The following ZFAT variants were observed in gnomAD, a reference collection of about 807,000 sequenced individuals.
The protein encoded by ZFAT is zinc finger protein ZFAT.
ZFAT carries 64 observed loss-of-function variants against 117.7 expected under a neutral mutation model. The observed-to-expected ratio is 0.54, with a 90% CI of 0.44 to 0.67. ZFAT has a LOEUF of 0.67. Among genes scored for constraint, ZFAT ranks in the 30% least tolerant of loss-of-function variants. The pLI, the probability that ZFAT is intolerant of heterozygous loss-of-function variation, is 0.00. For synonymous variants in ZFAT, 679 were observed against 615.0 expected (o/e 1.10, Z -1.54); for missense variants, 1,433 against 1,584.5 (o/e 0.90, Z 1.62).
chr8:134,509,611 G>T lies in ZFAT; in HGVS notation c.3492+8C>A. The stretch of plus-strand genomic sequence containing the variant: ...AGAGATGAATAGTTACAGAAGGAGG[G>T]TCCCTACCTGCTTAACCACAGTCAC... On this transcript the variant is annotated splice_region_variant and intron_variant, in intron 15 of 15. Transcript: ENST00000377838. The T allele has an allele frequency of 6.2e-7, 1 of 1,613,268 alleles. No individual in the cohort carries two copies. The highest frequency in any genetic ancestry group is 2.2e-5 in the East Asian group (1 of 44,854).
chr8:134,578,085 T>C (rs1031353291), intron 10 of ZFAT, among the ~76,000 whole-genome samples: 3 of 151,976 alleles, frequency 2.0e-5, no homozygotes, highest in Admixed American at 6.6e-5. Flanking sequence ...AGCAAAACCC[T>C]TGAGATGAGC....
the ZFAT span, among the ~76,000 whole-genome samples, chr8:134,780,667 T>TAATCCTTTTTCAGGCAAACAAGGAC: frequency 6.6e-6 from 1 of 152,212 alleles, no homozygotes; most frequent in Non-Finnish European, 1.5e-5. Flanking sequence ...GAAACAAGGA[T>TAATCCTTTTTCAGGCAAACAAGGAC]AATCCTTTTT....
chr8:134,712,081 A>G (rs971980738), intron 1 of ZFAT, among the ~76,000 whole-genome samples: 1 of 152,232 alleles, frequency 6.6e-6, no homozygotes, highest in African/African-American at 2.4e-5. Flanking sequence ...GAACACTTAC[A>G]TGAGCCAAGC....
At chr8:134,622,045 C>T (rs1285861757) in intron 3 of ZFAT, among the ~76,000 whole-genome samples, 2 of 152,242 alleles carry the variant, frequency 1.3e-5, no homozygotes, top group Non-Finnish European at 2.9e-5. Context: ...AACCTTCTCA[C>T]ATGGTGAGCA....
chr8:134,500,038 A>G (rs1465886169), intron 15 of ZFAT, among the ~76,000 whole-genome samples: 1 of 152,194 alleles, frequency 6.6e-6, no homozygotes, highest in Non-Finnish European at 1.5e-5. Context: ...GGACAAGTCT[A>G]CAGAGGGCCC....
chr8:134,689,137 G>A (rs951154656), intron 1 of ZFAT, among the ~76,000 whole-genome samples: 1 of 152,112 alleles, frequency 6.6e-6, no homozygotes, highest in African/African-American at 2.4e-5. Context: ...CATAATACAC[G>A]CCCACCAGAG....
At chr8:134,541,096 G>A (rs1376439258) in intron 11 of ZFAT, among the ~76,000 whole-genome samples, 1 of 152,192 alleles carries the variant, frequency 6.6e-6, no homozygotes, top group Non-Finnish European at 1.5e-5. Flanking sequence ...TTGACCTTAA[G>A]GGAAATCTTG....
chr8:134,491,460 C>CTTT (rs1818053149), intron 15 of ZFAT, among the ~76,000 whole-genome samples: 2 of 152,204 alleles, frequency 1.3e-5, no homozygotes, highest in South Asian at 4.1e-4. Context: ...CAGCTTAAAA[C>CTTT]AACACAAATG....
intron 9 of ZFAT, 101 bp downstream of exon 9, chr8:134,588,145 G>A: frequency 7.5e-7 from 1 of 1,335,104 alleles, no homozygotes; most frequent in Admixed American, 2.7e-5. Flanking sequence ...AATTCTAACA[G>A]CAGGGATGTG....
At chr8:134,600,104 C>T (rs1391649924) in intron 7 of ZFAT, 1 of 373,438 alleles carries the variant, frequency 2.7e-6, no homozygotes, top group Non-Finnish European at 5.0e-6. Context: ...TTACTGTTAT[C>T]TCTGCTATTA....
At chr8:134,560,339 C>T (rs1292010705) in intron 11 of ZFAT, among the ~76,000 whole-genome samples, 1 of 152,118 alleles carries the variant, frequency 6.6e-6, no homozygotes, top group Non-Finnish European at 1.5e-5. Flanking sequence ...ATGAACTCAA[C>T]ATATAACAAC....
At chr8:134,560,331 G>T (rs1350599884) in intron 11 of ZFAT, among the ~76,000 whole-genome samples, 2 of 152,032 alleles carry the variant, frequency 1.3e-5, no homozygotes, top group Non-Finnish European at 2.9e-5. Flanking sequence ...TGAATCCCAT[G>T]AACTCAACAT....
the ZFAT span, among the ~76,000 whole-genome samples, chr8:134,803,165 C>G: frequency 6.6e-6 from 1 of 152,084 alleles, no homozygotes; most frequent in Non-Finnish European, 1.5e-5. Flanking sequence ...AGAATGCCTA[C>G]CCCCTCATTT....
chr8:134,556,095 AGAAAAG>A (rs1011167322), intron 11 of ZFAT, among the ~76,000 whole-genome samples: 3 of 151,524 alleles, frequency 2.0e-5, no homozygotes, highest in Non-Finnish European at 4.4e-5. Context: ...GGAGGGAAAA[AGAAAAG>A]GAAAAGAAAA....
chr8:134,609,669 G>C (rs1304287471), intron 4 of ZFAT, among the ~76,000 whole-genome samples: 1 of 152,162 alleles, frequency 6.6e-6, no homozygotes, highest in Admixed American at 6.5e-5. Flanking sequence ...TTATTTGACA[G>C]CAATCACCTC....
chr8:134,789,002 A>G, the ZFAT span, among the ~76,000 whole-genome samples: 1 of 152,038 alleles, frequency 6.6e-6, no homozygotes, highest in East Asian at 1.9e-4. Flanking sequence ...GGGAATTTTC[A>G]GCCTGATAAA....
intron 11 of ZFAT, among the ~76,000 whole-genome samples, chr8:134,555,010 G>A (rs2130719410): frequency 6.6e-6 from 1 of 152,314 alleles, no homozygotes; most frequent in Non-Finnish European, 1.5e-5. Flanking sequence ...GACTCACTGA[G>A]AAGACTTGCA....
chr8:134,712,617 G>T, intron 1 of ZFAT, among the ~76,000 whole-genome samples: 1 of 108,034 alleles, frequency 9.3e-6, no homozygotes, highest in African/African-American at 3.6e-5. Flanking sequence ...ACTCGCTCCC[G>T]CCTTGCTTTT....
chr8:134,812,072 A>T, the ZFAT span, among the ~76,000 whole-genome samples: 1 of 152,150 alleles, frequency 6.6e-6, no homozygotes, highest in African/African-American at 2.4e-5. Context: ...TGAACCTGGG[A>T]GGCAGAGGTT....
Sources: gnomAD v4.1 joint callset for allele counts (sites outside exome capture counted in the v4.1 genomes callset) on GRCh38, gnomAD v4.1.1 for gene constraint, MANE v1.5 for transcripts, NCBI Gene and HGNC (gene_info 2026-07-23, HGNC 2026-07-21) for gene names.